JMJD1C: variants seen among roughly 807,000 people sequenced by gnomAD.
JMJD1C encodes the protein jumonji domain-containing protein 1C.
A neutral mutation model predicts 245.3 loss-of-function variants in JMJD1C; 31 were observed. The ratio of observed to expected loss-of-function variants is 0.13; its 90% confidence interval spans 0.09 to 0.17. The LOEUF is 0.17. JMJD1C is among the 10% of genes least tolerant of loss of function. The pLI, the probability that JMJD1C is intolerant of heterozygous loss-of-function variation, is 1.00. For missense variants in JMJD1C, 2,691 were observed against 3,000.2 expected, an observed-to-expected ratio of 0.90 and a Z score of 2.41; for synonymous variants, 1,057 against 1,017.4, an observed-to-expected ratio of 1.04 and a Z score of -0.74.
At chr10:63,515,496 C>T (rs959498618) in intron 1 of JMJD1C, among the ~76,000 whole-genome samples, 4 of 152,122 alleles carry the variant, frequency 2.6e-5, no homozygotes, top group Non-Finnish European at 4.4e-5. Context: ...CAGACTTGTC[C>T]ACACTGAGCC....
intron 2 of JMJD1C, among the ~76,000 whole-genome samples, chr10:63,323,180 T>C (rs944025615): frequency 2.0e-5 from 3 of 152,080 alleles, no homozygotes; most frequent in Non-Finnish European, 4.4e-5. Flanking sequence ...GTGCTAAAGC[T>C]GAAACACAAG....
chr10:63,517,134 C>T (rs780857546), intron 1 of JMJD1C, among the ~76,000 whole-genome samples: 3 of 152,266 alleles, frequency 2.0e-5, no homozygotes, highest in Non-Finnish European at 2.9e-5. Flanking sequence ...AATAGAAATG[C>T]GAAGGTGACC....
rs117857235 is a variant in JMJD1C at position 63,234,819 on chromosome 10, C to T, written c.448-14836G>A. On this transcript the variant is annotated intron_variant, in intron 3 of 25. Coordinates refer to ENST00000399262, the MANE Select transcript of JMJD1C (RefSeq NM_032776.3). Reference sequence around the variant, plus strand: ...AAATAACAATGCTATTCTATTAGTACGACATTGATTGTACCAGGTATTACT... The same window carrying T: ...AAATAACAATGCTATTCTATTAGTATGACATTGATTGTACCAGGTATTACT... 4.6e-5 allele frequency among the ~76,000 whole-genome samples: 7 copies of T among 151,932 alleles called. No individual in the cohort carries two copies. The East Asian group carries it at 5.8e-4, about 13-fold the overall frequency.
rs1846697646 is a variant in JMJD1C at position 63,206,930 on chromosome 10, T to C, written c.4739A>G (p.Lys1580Arg). ...GGCTATTAAGTTGACAGAACATGGC[T>C]TAATAATTTCTGATACAGAATTCCC... Reference protein sequence around the residue: ...NSGNSVSEIIKPCSVNLIAST... With the variant: ...NSGNSVSEIIRPCSVNLIAST... Residue 1580 changes from lysine to arginine, a missense_variant, in exon 10 of 26, where the codon AAG becomes AGG. Physicochemically the swap from Lys to Arg is conservative, Grantham distance 26 (BLOSUM62 2). Transcript: ENST00000399262. 6.2e-7 allele frequency: 1 copy of C among 1,612,044 alleles called. No homozygotes were observed. The highest frequency in any genetic ancestry group is 1.3e-5 in the African/African-American group (1 of 74,792).
At chr10:63,474,907 G>C (rs1953612048) in intron 1 of JMJD1C, among the ~76,000 whole-genome samples, 1 of 151,954 alleles carries the variant, frequency 6.6e-6, no homozygotes, top group Non-Finnish European at 1.5e-5. Flanking sequence ...GTGACAAATT[G>C]TTAAATGAAC....
chr10:63,503,945 C>T lies in JMJD1C; in HGVS notation n.113+17793G>A, dbSNP rs145848715. On this transcript the variant is annotated intron_variant and non_coding_transcript_variant, in intron 1 of 3. Coordinates refer to the JMJD1C transcript ENST00000633035. ...ATCTCCAACCACCAGGGTCCACATG[C>T]TTGTGTTTCATGGGCAGTTTTCCCT... Among the ~76,000 whole-genome samples the T allele has an allele frequency of 2.7e-3, 417 of 152,264 alleles. 2 individuals carry two copies. The highest frequency in any genetic ancestry group is 5.1e-3 in the Non-Finnish European group (344 of 68,008).
At chr10:63,253,754 G>C (rs1482616638) in intron 3 of JMJD1C, among the ~76,000 whole-genome samples, 2 of 152,120 alleles carry the variant, frequency 1.3e-5, no homozygotes, top group African/African-American at 4.8e-5. Context: ...TGATGTCCTA[G>C]TGGCTTAGCT....
chr10:63,222,522 G>C, intron 3 of JMJD1C: 1 of 1,344,626 alleles, frequency 7.4e-7, no homozygotes, highest in East Asian at 2.3e-5. Flanking sequence ...CTGCACTTTT[G>C]TCCCAAAGAT....
chr10:63,411,883 G>A (rs893320705), intron 1 of JMJD1C, among the ~76,000 whole-genome samples: 23 of 149,528 alleles, frequency 1.5e-4, no homozygotes, highest in African/African-American at 3.5e-4. Context: ...GATTACAGGC[G>A]TAAGCCACAG....
chr10:63,269,901 A>G (rs957873393), intron 2 of JMJD1C, among the ~76,000 whole-genome samples: 1 of 152,194 alleles, frequency 6.6e-6, no homozygotes. Flanking sequence ...GGTAGTTACT[A>G]ATCATATGTA....
rs918730684 is a variant in JMJD1C, at chr10:63,226,440, C to T, written c.448-6457G>A. Among the ~76,000 whole-genome samples, 7 of 151,724 alleles carry T rather than the reference C, an allele frequency of 4.6e-5. No individual in the cohort carries two copies. The East Asian group carries it at 5.9e-4, about 13-fold the overall frequency. ...CAGGAGGGGATAATGGGGCCGGGTG[C>T]GGTGGCTCACACCTATAATCCCAGC... On this transcript the variant is annotated intron_variant, in intron 3 of 25. Transcript: ENST00000399262.
intron 3 of JMJD1C, among the ~76,000 whole-genome samples, chr10:63,239,956 T>A (rs7101043): frequency 6.6e-6 from 1 of 152,200 alleles, no homozygotes; most frequent in African/African-American, 2.4e-5. Flanking sequence ...CAATCCTTAT[T>A]GATCTTACAC....
At chr10:63,461,194 T>G (rs375967747) in intron 1 of JMJD1C, among the ~76,000 whole-genome samples, 8 of 152,242 alleles carry the variant, frequency 5.3e-5, no homozygotes, top group African/African-American at 1.4e-4. Flanking sequence ...CAAATTCGAG[T>G]GTGAAAAATA....
chr10:63,268,643 C>G (rs1855920696), intron 2 of JMJD1C: 1 of 920,442 alleles, frequency 1.1e-6, no homozygotes, highest in South Asian at 5.0e-5. Context: ...AAAAAGGAAG[C>G]AGAAAAATAC....
chr10:63,217,431 T>C (rs1848121376), intron 4 of JMJD1C, 100 bp from the exon 5 acceptor site: 1 of 882,150 alleles, frequency 1.1e-6, no homozygotes, highest in South Asian at 2.3e-5. Flanking sequence ...AATAGTAATA[T>C]ATCCAACTAT....
chr10:63,214,185 G>A lies in JMJD1C; in HGVS notation c.1982C>T (p.Thr661Ile). 1 of 1,614,094 alleles carries A rather than the reference G, an allele frequency of 6.2e-7. No homozygotes were observed. The change falls in exon 8 of 26, where the codon ACT becomes ATT. Residue 661 changes from threonine to isoleucine, a missense_variant. Transcript: ENST00000399262. ...HSPDSVKSKA[T>I]YVNSQATGER... Reference sequence around the variant, plus strand: ...ACCAGTAGCTTGGCTGTTCACATAAGTGGCCTTAGACTTTACAGAATCAGG... The same window carrying A: ...ACCAGTAGCTTGGCTGTTCACATAAATGGCCTTAGACTTTACAGAATCAGG...
At chr10:63,493,069 C>T (rs1394778178) in intron 1 of JMJD1C, among the ~76,000 whole-genome samples, 1 of 152,086 alleles carries the variant, frequency 6.6e-6, no homozygotes, top group African/African-American at 2.4e-5. Context: ...CCGTTTCTCT[C>T]CTATGTTAAC....
chr10:63,210,742 T>C (rs1260230165), intron 8 of JMJD1C, among the ~76,000 whole-genome samples: 1 of 152,174 alleles, frequency 6.6e-6, no homozygotes, highest in Non-Finnish European at 1.5e-5. Context: ...AATAGAAACC[T>C]TGAATTAATA....
intron 1 of JMJD1C, among the ~76,000 whole-genome samples, chr10:63,380,932 G>A (rs1464318827): frequency 2.6e-5 from 4 of 152,156 alleles, no homozygotes; most frequent in African/African-American, 9.7e-5. Flanking sequence ...ATGTCCAAAA[G>A]AAAGGAAGGT....
Sources: gnomAD v4.1 joint callset for allele counts (sites outside exome capture counted in the v4.1 genomes callset) on GRCh38, gnomAD v4.1.1 for gene constraint, MANE v1.5 for transcripts, NCBI Gene and HGNC (gene_info 2026-07-23, HGNC 2026-07-21) for gene names.